RTTN: variants seen among roughly 807,000 people sequenced by gnomAD.
RTTN encodes the protein rotatin.
A neutral mutation model predicts 269.2 loss-of-function variants in RTTN; 182 were observed. The ratio of observed to expected loss-of-function variants is 0.68; its 90% CI spans 0.60 to 0.76. The LOEUF is 0.76. Among genes scored for constraint, RTTN ranks in the 30% least tolerant of loss-of-function variants. The pLI is 0.00. For synonymous variants in RTTN, 1,006 were observed against 963.5 expected (o/e 1.04, Z -0.82); for missense variants, 2,545 against 2,608.6 (o/e 0.98, Z 0.53).
At chr18:70,026,526 T>C (rs183219097) in intron 43 of RTTN, among the ~76,000 whole-genome samples, 4 of 152,270 alleles carry the variant, frequency 2.6e-5, no homozygotes, top group Admixed American at 1.3e-4. Context: ...GGAAGTTTCC[T>C]GAGGCCTCCC....
intron 37 of RTTN, among the ~76,000 whole-genome samples, chr18:70,057,204 T>C (rs1474646868): frequency 6.6e-6 from 1 of 152,234 alleles, no homozygotes; most frequent in African/African-American, 2.4e-5. Context: ...GATTTTGAAA[T>C]AAAATTTCTG....
At chr18:70,078,065 T>C (rs2058473174) in intron 32 of RTTN, among the ~76,000 whole-genome samples, 2 of 151,720 alleles carry the variant, frequency 1.3e-5, no homozygotes, top group Admixed American at 6.6e-5. Flanking sequence ...GATCCAAATC[T>C]TCAAATTAAG....
intron 3 of RTTN, among the ~76,000 whole-genome samples, chr18:70,202,559 CT>C (rs1461401380): frequency 6.6e-6 from 1 of 152,184 alleles, no homozygotes; most frequent in Admixed American, 6.5e-5. Flanking sequence ...TAAACCATTC[CT>C]CTACTTTCAC....
At position 70,030,879 on chromosome 18, in the gene RTTN, T is replaced by C; in HGVS notation, c.5644A>G (p.Lys1882Glu). 1.2e-6 allele frequency: 2 copies of C among 1,610,712 alleles called. No homozygotes were observed. The highest frequency in any genetic ancestry group is 1.7e-6 in the Non-Finnish European group (2 of 1,178,204). ...GCTGATGTGTCATGTGGCTCACCTT[T>C]CAAAGCATGTTTCTGTGCTCTTCTA... ...VSRRAQKHAL[K>E]ANLIDNCMEQ... The change falls in exon 41 of 49, where the codon AAA becomes GAA. Residue 1882 changes from lysine (K) to glutamate (E), a missense_variant. Lys to Glu is a moderately conservative substitution (Grantham distance 56, BLOSUM62 1). Transcript: ENST00000640769.
At chr18:70,172,477 A>C (rs1051449178) in intron 11 of RTTN, among the ~76,000 whole-genome samples, 8 of 152,228 alleles carry the variant, frequency 5.3e-5, no homozygotes. Context: ...TTTAACATCA[A>C]TGAAATAGCA....
At chr18:70,183,715 G>A (rs537677011) in intron 10 of RTTN, among the ~76,000 whole-genome samples, 4 of 152,196 alleles carry the variant, frequency 2.6e-5, no homozygotes, top group South Asian at 2.1e-4. Context: ...AATGGCTCCC[G>A]ACGTTGCCAA....
At chr18:70,124,924 GC>G (rs994471445) in intron 25 of RTTN, among the ~76,000 whole-genome samples, 7 of 152,046 alleles carry the variant, frequency 4.6e-5, no homozygotes, top group African/African-American at 1.7e-4. Context: ...CATTAAACAT[GC>G]AAACTCAACA....
At chr18:70,177,168 T>C (rs1187506292) in intron 10 of RTTN, among the ~76,000 whole-genome samples, 2 of 152,216 alleles carry the variant, frequency 1.3e-5, no homozygotes, top group African/African-American at 2.4e-5. Context: ...AGTGCCTAAT[T>C]GTTCCAATTT....
rs765124195 is a variant in RTTN, at chr18:70,139,639, C to T, written c.2748G>A (p.Ser916=). ...TCAAAAGAGAAGACTGTTGCGAGAG[C>T]GAAACACGCATGACTGGATCACCAC... ...VLCGDPVMRV[S]LSQQSSLLTV... Residue 916 remains serine, a synonymous_variant, in exon 21 of 49, where the codon TCG becomes TCA. Transcript: ENST00000640769. The T allele has an allele frequency of 8.7e-6, 14 of 1,612,854 alleles. No homozygotes were observed. The highest frequency in any genetic ancestry group is 3.3e-5 in the South Asian group (3 of 90,976).
chr18:70,086,585 A>ATAAT, intron 32 of RTTN, 28 bp downstream of exon 32: 2 of 1,457,320 alleles, frequency 1.4e-6, no homozygotes, highest in East Asian at 4.5e-5. Context: ...AACATCTACT[A>ATAAT]GGTTGATAAT....
intron 32 of RTTN, among the ~76,000 whole-genome samples, chr18:70,077,059 G>C (rs77492926): frequency 0.025 from 3,824 of 151,834 alleles, 164 homozygotes; most frequent in African/African-American, 0.086. Context: ...TAATAATATA[G>C]GGAAGGAATT....
In RTTN at chr18:70,039,847, TTAGTTTTCTTTTG is replaced by T. The variant is rs1293043746; in HGVS notation, c.5541+8111_5541+8123del. ...ATAAAGTTAAAGTGTAGAGTTTTTA[TTAGTTTTCTTTTG>T]CATGTGTGCTTGTTCATGCCATCAG... is the stretch of plus-strand genomic sequence containing the variant. On this transcript the variant is annotated intron_variant, in intron 40 of 48. Transcript: ENST00000640769. Among the ~76,000 whole-genome samples the T allele has an allele frequency of 2.6e-5, 4 of 152,308 alleles. No homozygotes were observed. In the East Asian group the frequency reaches 7.7e-4, roughly 29 times the overall value.
At chr18:70,092,583 C>A in intron 29 of RTTN, 93 bp downstream of exon 29, 1 of 1,413,072 alleles carries the variant, frequency 7.1e-7, no homozygotes, top group Non-Finnish European at 9.6e-7. Context: ...GAGACATTTT[C>A]ATGTGGCAAG....
chr18:70,015,481 G>C (rs990864677), intron 46 of RTTN, among the ~76,000 whole-genome samples: 1 of 152,146 alleles, frequency 6.6e-6, no homozygotes, highest in African/African-American at 2.4e-5. Context: ...CTTTTAAGCT[G>C]GCTGACTCTG....
chr18:70,196,570 G>C lies in RTTN; in HGVS notation c.772C>G (p.Gln258Glu). The C allele has an allele frequency of 6.2e-7, 1 of 1,612,024 alleles. No individual in the cohort carries two copies. Among genetic ancestry groups the C allele is most frequent in the South Asian group, 1.1e-5 (1 of 90,910 alleles). Residue 258 changes from glutamine (Q) to glutamate (E), a missense_variant, in exon 7 of 49, where the codon CAG becomes GAG. Physicochemically the swap from Gln to Glu is conservative, Grantham distance 29. Transcript: ENST00000640769. ...LALQSVSCLQ[Q>E]LCMYLRNRLN... Reference sequence around the variant, plus strand: ...CTGTTTCTTAAATACATGCACAGCTGCTGCAGGCAGGACACCGACTGTAAT... The same window carrying C: ...CTGTTTCTTAAATACATGCACAGCTCCTGCAGGCAGGACACCGACTGTAAT...
chr18:70,186,804 T>C (rs898174296), intron 10 of RTTN, among the ~76,000 whole-genome samples: 1 of 152,106 alleles, frequency 6.6e-6, no homozygotes, highest in African/African-American at 2.4e-5. Flanking sequence ...CACTTATAAG[T>C]GGGAGCTAAA....
Position 70,035,830 on chromosome 18 carries a change from C to A in RTTN, c.5542-4849G>T, listed in dbSNP as rs141983418. ...ATGCATCAGACAAAGGTCTAATATCCAGCAACTACAAGGAACTTAAATTTA... is the reference window on the plus strand; with the variant it reads ...ATGCATCAGACAAAGGTCTAATATCAAGCAACTACAAGGAACTTAAATTTA... On this transcript the variant is annotated intron_variant, in intron 40 of 48. Transcript: ENST00000640769. 9.5e-3 allele frequency among the ~76,000 whole-genome samples: 1,452 copies of A among 152,106 alleles called. 22 individuals are homozygous for A. Among genetic ancestry groups the A allele is most frequent in the African/African-American group, 0.033 (1,383 of 41,472 alleles).
chr18:70,103,385 T>C (rs1210656168), intron 28 of RTTN, among the ~76,000 whole-genome samples: 1 of 152,138 alleles, frequency 6.6e-6, no homozygotes, highest in African/African-American at 2.4e-5. Flanking sequence ...GAAGTAGACA[T>C]AGCAGACTCC....
chr18:70,187,698 T>C (rs982764152), intron 10 of RTTN, among the ~76,000 whole-genome samples: 1 of 152,182 alleles, frequency 6.6e-6, no homozygotes, highest in Non-Finnish European at 1.5e-5. Context: ...CTTATGTATG[T>C]TTAAGGTCAA....
Sources: gnomAD v4.1 joint callset for allele counts (sites outside exome capture counted in the v4.1 genomes callset) on GRCh38, gnomAD v4.1.1 for gene constraint, MANE v1.5 for transcripts, NCBI Gene and HGNC (gene_info 2026-07-23, HGNC 2026-07-21) for gene names.